The following AXDND1 variants were observed in gnomAD, a reference collection of about 807,000 sequenced individuals.
AXDND1 encodes axonemal dynein light chain domain containing 1, also known as axonemal dynein light chain domain-containing protein 1.
A neutral mutation model predicts 137.5 loss-of-function variants in AXDND1; 110 were observed. The ratio of observed to expected loss-of-function variants is 0.80; its 90% CI spans 0.69 to 0.94. The LOEUF (loss-of-function observed/expected upper bound fraction) is 0.94, where lower values mean the gene tolerates loss of function less well. AXDND1 is among the 40% of genes least tolerant of loss of function. The pLI, the probability that AXDND1 is intolerant of heterozygous loss-of-function variation, is 0.00. For synonymous variants in AXDND1, 414 were observed against 399.7 expected (o/e 1.04, Z -0.43); for missense variants, 1,191 against 1,169.8 (o/e 1.02, Z -0.26).
chr1:179,506,300 C>CA (rs1226424683), intron 20 of AXDND1, among the ~76,000 whole-genome samples: 1 of 151,978 alleles, frequency 6.6e-6, no homozygotes, highest in Non-Finnish European at 1.5e-5. Context: ...CCAAGACTGA[C>CA]AAAAAAGACA....
intron 12 of AXDND1, among the ~76,000 whole-genome samples, chr1:179,414,397 C>G (rs904416437): frequency 1.4e-5 from 2 of 141,738 alleles, no homozygotes; most frequent in Non-Finnish European, 3.1e-5. Flanking sequence ...GATGTCAGTT[C>G]TCTCCAAATT....
At chr1:179,375,208 C>T (rs747547966) in intron 4 of AXDND1, among the ~76,000 whole-genome samples, 25 of 151,738 alleles carry the variant, frequency 1.6e-4, no homozygotes, top group Non-Finnish European at 3.1e-4. Context: ...AAGCGATTCT[C>T]CTGCCTCAGC....
intron 20 of AXDND1, among the ~76,000 whole-genome samples, chr1:179,504,068 C>G (rs147851110): frequency 4.3e-3 from 648 of 152,104 alleles, no homozygotes; most frequent in Admixed American, 5.8e-3. Context: ...ACTAAAACAC[C>G]ATGAACATTT....
chr1:179,533,626 CTT>C (rs66461504), intron 23 of AXDND1, among the ~76,000 whole-genome samples, 167 bp from the exon 24 acceptor site: 65,017 of 135,922 alleles, frequency 0.48, 16,519 homozygotes, highest in East Asian at 0.73. Flanking sequence ...GAGACAATCC[CTT>C]TTTTTTTTTT....
chr1:179,489,148 A>C (rs1459239423), intron 18 of AXDND1, among the ~76,000 whole-genome samples: 1 of 125,720 alleles, frequency 8.0e-6, no homozygotes, highest in African/African-American at 3.5e-5. Context: ...ATTCATCTTA[A>C]AATGTCTTTT....
chr1:179,539,000 T>A (rs61827685), intron 25 of AXDND1, among the ~76,000 whole-genome samples: 1 of 151,988 alleles, frequency 6.6e-6, no homozygotes, highest in African/African-American at 2.4e-5. Flanking sequence ...TTTTATCAGA[T>A]ACTGGGATTT....
rs1648379069 is a variant in AXDND1, at chr1:179,381,854, C to T, written c.582-846C>T. The stretch of plus-strand genomic sequence containing the variant: ...GGAGTGCAGTGGCGTGATCTTGGCT[C>T]ACTGCAACCTCCACCTCCTGGGTTT... On this transcript the variant is annotated intron_variant, in intron 6 of 25. Coordinates refer to ENST00000367618, the MANE Select transcript of AXDND1 (RefSeq NM_144696.6). Among the ~76,000 whole-genome samples, 4 of 151,952 alleles carry T rather than the reference C, an allele frequency of 2.6e-5. No homozygotes were observed. The South Asian group carries it at 8.3e-4, about 32-fold the overall frequency.
intron 12 of AXDND1, among the ~76,000 whole-genome samples, chr1:179,421,715 C>T (rs1655768848): frequency 6.6e-6 from 1 of 151,942 alleles, no homozygotes; most frequent in Non-Finnish European, 1.5e-5. Context: ...CTAGCTAAAG[C>T]TTTATTGATT....
intron 24 of AXDND1, 67 bp downstream of exon 24, chr1:179,533,944 T>A: frequency 8.4e-6 from 12 of 1,423,748 alleles, no homozygotes; most frequent in Non-Finnish European, 1.1e-5. Flanking sequence ...ACTGAGAAAT[T>A]CACACTTTTT....
intron 16 of AXDND1, chr1:179,456,295 C>T (rs995229548): frequency 3.9e-5 from 29 of 743,450 alleles, no homozygotes; most frequent in Admixed American, 6.9e-5. Context: ...TGTGGTTTGA[C>T]GAAGTATTGG....
At chr1:179,410,220 A>G (rs1436187183) in intron 11 of AXDND1, among the ~76,000 whole-genome samples, 1 of 152,182 alleles carries the variant, frequency 6.6e-6, no homozygotes, top group Non-Finnish European at 1.5e-5. Context: ...TTGTTACGTT[A>G]TAACTTCTAT....
intron 12 of AXDND1, among the ~76,000 whole-genome samples, chr1:179,424,258 T>A (rs10913751): frequency 0.11 from 16,049 of 152,006 alleles, 962 homozygotes; most frequent in African/African-American, 0.14. Context: ...AACATGTTAT[T>A]TGCTTCTTTA....
At chr1:179,381,271 A>C (rs1186233704) in intron 6 of AXDND1, among the ~76,000 whole-genome samples, 1 of 149,924 alleles carries the variant, frequency 6.7e-6, no homozygotes, top group Non-Finnish European at 1.5e-5. Context: ...CGAACTCCTG[A>C]CCTCAGGTGA....
chr1:179,397,623 A>G (rs183829808), intron 11 of AXDND1, among the ~76,000 whole-genome samples: 18 of 152,316 alleles, frequency 1.2e-4, no homozygotes, highest in African/African-American at 3.1e-4. Flanking sequence ...AGGGACATCA[A>G]TGAGTCATAG....
intron 20 of AXDND1, among the ~76,000 whole-genome samples, chr1:179,504,003 T>C (rs1668290486): frequency 6.6e-6 from 1 of 152,204 alleles, no homozygotes; most frequent in African/African-American, 2.4e-5. Context: ...TATTAATATA[T>C]AGGTGCTAAA....
intron 23 of AXDND1, among the ~76,000 whole-genome samples, chr1:179,530,060 C>A (rs530582334): frequency 6.6e-6 from 1 of 152,200 alleles, no homozygotes; most frequent in African/African-American, 2.4e-5. Flanking sequence ...ACAGAGTCTT[C>A]GCACTGTCAC....
chr1:179,539,629 C>T (rs1671917125), intron 25 of AXDND1, among the ~76,000 whole-genome samples: 1 of 152,134 alleles, frequency 6.6e-6, no homozygotes, highest in African/African-American at 2.4e-5. Flanking sequence ...AATATTTTTT[C>T]CTTCATTTCA....
chr1:179,447,565 A>G (rs1659912973), intron 16 of AXDND1: 1 of 922,490 alleles, frequency 1.1e-6, no homozygotes, highest in Non-Finnish European at 1.6e-6. Flanking sequence ...TACATGTTTT[A>G]AAGAATGAAG....
chr1:179,431,511 A>G (rs1344119105), intron 14 of AXDND1, among the ~76,000 whole-genome samples: 1 of 151,356 alleles, frequency 6.6e-6, no homozygotes, highest in Non-Finnish European at 1.5e-5. Context: ...GTTGTTTTTT[A>G]ACTTTAAGAT....
Sources: allele counts gnomAD v4.1 joint callset (sites outside exome capture counted in the v4.1 genomes callset), GRCh38; gene constraint gnomAD v4.1.1; transcripts MANE v1.5; gene names NCBI Gene and HGNC (gene_info 2026-07-23, HGNC 2026-07-21).